AKAP6: variants seen among roughly 807,000 people sequenced by gnomAD.
AKAP6 encodes A-kinase anchoring protein 6.
AKAP6 carries 58 observed loss-of-function variants against 188.5 expected under a neutral mutation model. That is an observed-to-expected ratio of 0.31 (90% CI 0.25 to 0.38). The LOEUF (loss-of-function observed/expected upper bound fraction) is 0.38. AKAP6 is among the 10% of genes least tolerant of loss of function. The probability of loss-of-function intolerance (pLI) is 1.00; values close to 1 mark genes in which losing one functional copy is unlikely to be tolerated. For missense variants in AKAP6, 2,710 were observed against 2,740.0 expected (o/e 0.99, Z 0.24); for synonymous variants, 989 against 998.6 (o/e 0.99, Z 0.18).
intron 2 of AKAP6, among the ~76,000 whole-genome samples, chr14:32,518,636 G>A (rs1249628827): frequency 6.6e-6 from 1 of 152,048 alleles, no homozygotes; most frequent in Non-Finnish European, 1.5e-5. Flanking sequence ...GAGAAGAGAA[G>A]TTTAGAAGAA....
rs1883206582 is a variant in AKAP6 at position 32,546,526 on chromosome 14, T to C, written c.1873T>C (p.Tyr625His). ...GAATGGTGAGGTTGTGGAGGCCTGG[T>C]ATGGCTCTGATGAATACCTAGCACT... The part of the protein sequence containing the change: ...TRNGEVVEAW[Y>H]GSDEYLALPS... Residue 625 changes from tyrosine (Y) to histidine (H), a missense_variant, in exon 4 of 14, where the codon TAT becomes CAT. By Grantham distance (83) the Tyr-to-His change is moderately conservative. Coordinates refer to ENST00000280979, the MANE Select transcript of AKAP6 (RefSeq NM_004274.5). The C allele has an allele frequency of 6.2e-7, 1 of 1,614,142 alleles. No individual in the cohort carries two copies. Among genetic ancestry groups the C allele is most frequent in the South Asian group, 1.1e-5 (1 of 91,076 alleles).
At chr14:32,806,338 A>T (rs145641756) in intron 12 of AKAP6, among the ~76,000 whole-genome samples, 100 of 152,292 alleles carry the variant, frequency 6.6e-4, no homozygotes, top group African/African-American at 2.3e-3. Flanking sequence ...AGTCTGCTTG[A>T]TTCACCTTTT....
chr14:32,771,672 C>T (rs557240057), intron 11 of AKAP6, among the ~76,000 whole-genome samples: 72 of 151,948 alleles, frequency 4.7e-4, no homozygotes, highest in Non-Finnish European at 8.2e-4. Context: ...CTGCACATAC[C>T]TTTAGTGCCA....
At chr14:32,816,639 T>C (rs1164354788) in intron 12 of AKAP6, among the ~76,000 whole-genome samples, 1 of 152,200 alleles carries the variant, frequency 6.6e-6, no homozygotes, top group Non-Finnish European at 1.5e-5. Flanking sequence ...GCATTTCCCC[T>C]AGTTTAAATT....
chr14:32,521,289 C>G (rs1368229554), intron 2 of AKAP6, among the ~76,000 whole-genome samples: 2 of 152,098 alleles, frequency 1.3e-5, no homozygotes, highest in Non-Finnish European at 2.9e-5. Context: ...GACAGGGATG[C>G]CCTCTCTCAC....
At chr14:32,707,647 C>T (rs1324357429) in intron 9 of AKAP6, among the ~76,000 whole-genome samples, 2 of 151,960 alleles carry the variant, frequency 1.3e-5, no homozygotes, top group Non-Finnish European at 2.9e-5. Context: ...ATAATAGAAA[C>T]TCAATAAATA....
chr14:32,805,736 G>T lies in AKAP6; in HGVS notation c.3589-15666G>T, dbSNP rs1285991691. ...TTACTCCAATTTTCTTTTTCATTTAGTTCTAATATTTTAGGTCTGTTGTTT... is the reference window on the plus strand; with the variant it reads ...TTACTCCAATTTTCTTTTTCATTTATTTCTAATATTTTAGGTCTGTTGTTT... On this transcript the variant is annotated intron_variant, in intron 12 of 13. Transcript: ENST00000280979. 2.6e-5 allele frequency among the ~76,000 whole-genome samples: 4 copies of T among 152,088 alleles called. No individual in the cohort carries two copies. The South Asian group carries it at 8.3e-4, about 31-fold the overall frequency.
At chr14:32,667,150 T>C (rs926387542) in intron 7 of AKAP6, among the ~76,000 whole-genome samples, 1 of 152,148 alleles carries the variant, frequency 6.6e-6, no homozygotes, top group Non-Finnish European at 1.5e-5. Context: ...TTATAAATTC[T>C]GTTTATCGTG....
intron 1 of AKAP6, among the ~76,000 whole-genome samples, chr14:32,389,884 GT>G (rs1888654380): frequency 6.6e-6 from 1 of 152,092 alleles, no homozygotes; most frequent in African/African-American, 2.4e-5. Context: ...GTATTTGGAT[GT>G]GTGGGTCTCT....
chr14:32,617,402 C>T (rs564132593), intron 7 of AKAP6, among the ~76,000 whole-genome samples: 2 of 152,104 alleles, frequency 1.3e-5, no homozygotes, highest in East Asian at 3.9e-4. Context: ...GCATTTGTAC[C>T]TCATTTATAG....
intron 5 of AKAP6, among the ~76,000 whole-genome samples, chr14:32,581,904 G>A (rs1053079299): frequency 2.0e-5 from 3 of 152,014 alleles, no homozygotes; most frequent in Non-Finnish European, 2.9e-5. Context: ...ACATGAGATG[G>A]GTTTCCTGAA....
At chr14:32,583,269 G>C (rs1594761062) in intron 5 of AKAP6, among the ~76,000 whole-genome samples, 1 of 152,212 alleles carries the variant, frequency 6.6e-6, no homozygotes, top group African/African-American at 2.4e-5. Flanking sequence ...GACCCTGTTT[G>C]CCTGGGTATC....
intron 12 of AKAP6, among the ~76,000 whole-genome samples, chr14:32,785,208 G>C (rs2033365805): frequency 6.6e-6 from 1 of 152,096 alleles, no homozygotes; most frequent in Admixed American, 6.6e-5. Context: ...TACATAAAGA[G>C]TTGGATTCAT....
At chr14:32,444,946 G>A (rs7146912) in intron 2 of AKAP6, among the ~76,000 whole-genome samples, 112,764 of 152,064 alleles carry the variant, frequency 0.74, 43,161 homozygotes, top group African/African-American at 0.93. Context: ...TGAGTCCTTC[G>A]AGTAATACCA....
rs1318240186 is a variant in AKAP6 at position 32,454,853 on chromosome 14, TTCCCTCCCTCCC to T, written c.324+21052_324+21063del. Among the ~76,000 whole-genome samples, 6 of 10,160 alleles carry T rather than the reference TTCCCTCCCTCCC, an allele frequency of 5.9e-4. No homozygotes were observed. The African/African-American group carries it at 7.0e-3, about 12-fold the overall frequency. 6.7% of individuals were successfully genotyped at this position (10,160 alleles called of 152,430 possible). On this transcript the variant is annotated intron_variant, in intron 2 of 13. Transcript: ENST00000280979. ...CTTCTCTCCTTCCCTCCCTCCCTCC[TTCCCTCCCTCCC>T]TCCCTCCCTCCCTCCTTCCCTCCCT...
At chr14:32,433,393 G>A (rs1334212717) in intron 1 of AKAP6, 67 bp from the exon 2 acceptor site, 6 of 1,025,776 alleles carry the variant, frequency 5.8e-6, no homozygotes, top group Non-Finnish European at 7.1e-6. Flanking sequence ...TTTCTTCTGT[G>A]AAGTATCATT....
chr14:32,361,326 T>G (rs1465028799), intron 1 of AKAP6, among the ~76,000 whole-genome samples: 1 of 152,014 alleles, frequency 6.6e-6, no homozygotes, highest in African/African-American at 2.4e-5. Context: ...TGCTTGTATG[T>G]ATGTTTGAGG....
intron 1 of AKAP6, among the ~76,000 whole-genome samples, chr14:32,343,726 A>G (rs1424745666): frequency 4.1e-5 from 6 of 146,306 alleles, no homozygotes; most frequent in Admixed American, 3.4e-4. Context: ...CAGCCTGAGC[A>G]ACAGAGCAAG....
chr14:32,703,215 G>A (rs1398620807), intron 9 of AKAP6, among the ~76,000 whole-genome samples: 1 of 152,114 alleles, frequency 6.6e-6, no homozygotes, highest in East Asian at 1.9e-4. Flanking sequence ...AGAGTGGAGA[G>A]TGAGGGGAGA....
Sources: gnomAD v4.1 joint callset for allele counts (sites outside exome capture counted in the v4.1 genomes callset) on GRCh38, gnomAD v4.1.1 for gene constraint, MANE v1.5 for transcripts, NCBI Gene and HGNC (gene_info 2026-07-23, HGNC 2026-07-21) for gene names.